Variants in NBEA observed in about 807,000 individuals in gnomAD.
NBEA encodes neurobeachin.
Under a neutral mutation model 343.4 loss-of-function variants are expected in NBEA, and 44 were observed. That is an observed-to-expected ratio of 0.13 (90% CI 0.10 to 0.16). The LOEUF is 0.16. Ranked by LOEUF, NBEA falls within the 10% of genes least tolerant of loss-of-function variation. The pLI is 1.00. For missense variants in NBEA, 2,555 were observed against 3,631.3 expected, an observed-to-expected ratio of 0.70 and a Z score of 7.62; for synonymous variants, 1,175 against 1,238.7, an observed-to-expected ratio of 0.95 and a Z score of 1.08.
chr13:35,014,084 A>C (rs2061570803), intron 1 of NBEA, among the ~76,000 whole-genome samples: 1 of 152,082 alleles, frequency 6.6e-6, no homozygotes, highest in African/African-American at 2.4e-5. Flanking sequence ...ACACCTTCTC[A>C]TTAGGATATA....
intron 38 of NBEA, among the ~76,000 whole-genome samples, chr13:35,396,001 T>C (rs986943992): frequency 2.6e-5 from 4 of 152,192 alleles, no homozygotes; most frequent in African/African-American, 9.6e-5. Context: ...ATTCATTTAT[T>C]TTCCACTCAT....
chr13:35,530,466 T>C (rs1025864801), intron 41 of NBEA, among the ~76,000 whole-genome samples: 27 of 152,264 alleles, frequency 1.8e-4, no homozygotes, highest in African/African-American at 6.3e-4. Flanking sequence ...AAAAAGTCTG[T>C]GCTTTGTAAA....
intron 34 of NBEA, among the ~76,000 whole-genome samples, chr13:35,268,469 C>G (rs1224130510): frequency 2.6e-5 from 4 of 151,966 alleles, no homozygotes; most frequent in African/African-American, 4.8e-5. Flanking sequence ...ATACCTCTGC[C>G]TTGTACACTT....
chr13:35,234,753 C>T (rs928215266), intron 34 of NBEA, among the ~76,000 whole-genome samples: 2 of 152,154 alleles, frequency 1.3e-5, no homozygotes, highest in Admixed American at 6.5e-5. Flanking sequence ...CAGCTCAACC[C>T]AGTCTTCTGA....
intron 38 of NBEA, among the ~76,000 whole-genome samples, chr13:35,417,551 G>T (rs1316992334): frequency 1.1e-4 from 16 of 152,176 alleles, no homozygotes; most frequent in Non-Finnish European, 2.1e-4. Flanking sequence ...GGTTTTGAGT[G>T]AGTTTCTTTA....
chr13:35,373,937 T>G (rs2041594324), intron 38 of NBEA, among the ~76,000 whole-genome samples: 1 of 152,120 alleles, frequency 6.6e-6, no homozygotes, highest in Admixed American at 6.6e-5. Context: ...AAACCCATGT[T>G]ATTCCAGAGT....
chr13:35,454,841 C>A (rs1242092611), intron 40 of NBEA, among the ~76,000 whole-genome samples: 3 of 151,846 alleles, frequency 2.0e-5, no homozygotes, highest in Non-Finnish European at 4.4e-5. Context: ...GCCTGGGCGA[C>A]AGAATGAGAC....
intron 13 of NBEA, among the ~76,000 whole-genome samples, chr13:35,116,054 T>G (rs372030244): frequency 9.9e-5 from 15 of 152,200 alleles, no homozygotes; most frequent in African/African-American, 3.6e-4. Context: ...AGCTGAGGTC[T>G]GGAGCATGGT....
chr13:35,454,851 C>T (rs1296276816), intron 40 of NBEA, among the ~76,000 whole-genome samples: 1 of 151,914 alleles, frequency 6.6e-6, no homozygotes, highest in Non-Finnish European at 1.5e-5. Context: ...CAGAATGAGA[C>T]TCCGTCTCAA....
At chr13:35,142,563 A>G (rs1424438668) in intron 18 of NBEA, among the ~76,000 whole-genome samples, 186 bp downstream of exon 18, 1 of 152,106 alleles carries the variant, frequency 6.6e-6, no homozygotes, top group Non-Finnish European at 1.5e-5. Context: ...TCCATGTACA[A>G]TTTTTGCCAA....
intron 18 of NBEA, among the ~76,000 whole-genome samples, chr13:35,151,625 G>A (rs527889532): frequency 1.3e-5 from 2 of 150,826 alleles, no homozygotes; most frequent in Non-Finnish European, 2.9e-5. Flanking sequence ...TTGTGAAGAT[G>A]TAAAAATCTA....
Position 35,078,907 on chromosome 13 carries a change from A to G in NBEA, c.1571+8055A>G, listed in dbSNP as rs1387281982. ...TGTGGTGGCACGTGCCTGTAGTCCC[A>G]GCTACTTGGGAGGCTGAGGCAGGAG... On this transcript the variant is annotated intron_variant, in intron 10 of 58. Transcript: ENST00000379939. Among the ~76,000 whole-genome samples, 5 of 152,164 alleles carry G rather than the reference A, an allele frequency of 3.3e-5. No homozygotes were observed. The East Asian group carries it at 9.6e-4, about 29-fold the overall frequency.
chr13:35,112,010 G>A lies in NBEA; in HGVS notation c.2002+1032G>A, dbSNP rs1305109164. On this transcript the variant is annotated intron_variant, in intron 13 of 58. Coordinates refer to ENST00000379939, the MANE Select transcript of NBEA (RefSeq NM_001385012.1). ...CAGCTCACTGCAAGCTCTGCCTCCCGGGTTCATGCCGTTCTCCTGCCTCAG... is the reference window on the plus strand; with the variant it reads ...CAGCTCACTGCAAGCTCTGCCTCCCAGGTTCATGCCGTTCTCCTGCCTCAG... 4.8e-5 allele frequency among the ~76,000 whole-genome samples: 7 copies of A among 145,074 alleles called. No homozygotes were observed. The South Asian group carries it at 1.5e-3, about 32-fold the overall frequency.
At chr13:35,599,291 T>G (rs1458266134) in intron 47 of NBEA, among the ~76,000 whole-genome samples, 2 of 152,206 alleles carry the variant, frequency 1.3e-5, no homozygotes, top group Non-Finnish European at 2.9e-5. Context: ...TTTGGTCATT[T>G]ATGACTTTGT....
At chr13:35,495,801 A>G (rs191925730) in intron 41 of NBEA, among the ~76,000 whole-genome samples, 2 of 152,194 alleles carry the variant, frequency 1.3e-5, no homozygotes, top group Admixed American at 1.3e-4. Context: ...TAATACAAAG[A>G]TTTTTTGACA....
chr13:35,633,164 G>T (rs749212335), intron 49 of NBEA, among the ~76,000 whole-genome samples: 1 of 151,448 alleles, frequency 6.6e-6, no homozygotes, highest in African/African-American at 2.4e-5. Flanking sequence ...GTGCAGTGGC[G>T]CAATCTGGGC....
At chr13:35,031,134 A>T (rs17189352) in intron 1 of NBEA, among the ~76,000 whole-genome samples, 6,909 of 151,750 alleles carry the variant, frequency 0.046, 236 homozygotes, top group Non-Finnish European at 0.067. Flanking sequence ...GCCCATAGGC[A>T]TAAACCTCAT....
chr13:35,104,987 A>G (rs535328047), intron 11 of NBEA, among the ~76,000 whole-genome samples: 15 of 152,094 alleles, frequency 9.9e-5, no homozygotes, highest in Non-Finnish European at 2.2e-4. Context: ...GGCATACTCA[A>G]CCTAGGTTTT....
At chr13:35,221,655 C>CTA (rs907549808) in intron 33 of NBEA, among the ~76,000 whole-genome samples, 3 of 151,998 alleles carry the variant, frequency 2.0e-5, no homozygotes, top group African/African-American at 7.2e-5. Flanking sequence ...ATTAGCAATC[C>CTA]TAAAGGACCT....
Sources: allele counts gnomAD v4.1 joint callset (sites outside exome capture counted in the v4.1 genomes callset), GRCh38; gene constraint gnomAD v4.1.1; transcripts MANE v1.5; gene names NCBI Gene and HGNC (gene_info 2026-07-23, HGNC 2026-07-21).